Variants in PDE4D observed in about 807,000 individuals in gnomAD.
PDE4D encodes the protein 3',5'-cyclic-AMP phosphodiesterase 4D.
PDE4D carries 24 observed loss-of-function variants against 87.4 expected under a neutral mutation model. The ratio of observed to expected loss-of-function variants is 0.27; its 90% confidence interval spans 0.20 to 0.39. The LOEUF is 0.39. Ranked by LOEUF, PDE4D falls within the 10% of genes least tolerant of loss-of-function variation. The pLI is 1.00. For synonymous variants in PDE4D, 384 were observed against 383.2 expected (o/e 1.00, Z -0.02); for missense variants, 714 against 1,041.0 (o/e 0.69, Z 4.32).
chr5:59,551,849 C>T (rs1204239484), intron 1 of PDE4D, among the ~76,000 whole-genome samples: 2 of 151,952 alleles, frequency 1.3e-5, no homozygotes, highest in East Asian at 1.9e-4. Context: ...CCAAAAAAAC[C>T]CTTCTAATTT....
At chr5:58,976,608 C>G (rs1743861437) in intron 12 of PDE4D, 136 bp from the exon 13 acceptor site, 1 of 693,546 alleles carries the variant, frequency 1.4e-6, no homozygotes, top group African/African-American at 1.8e-5. Context: ...CTTACTACTC[C>G]TTGGGGGCAG....
chr5:60,247,479 C>G (rs1452535454), intron 1 of PDE4D, among the ~76,000 whole-genome samples: 1 of 151,904 alleles, frequency 6.6e-6, no homozygotes, highest in Non-Finnish European at 1.5e-5. Context: ...AATTATGAAA[C>G]TTTTTCAGTT....
chr5:59,785,229 A>G (rs1765052695), intron 1 of PDE4D, among the ~76,000 whole-genome samples: 1 of 152,260 alleles, frequency 6.6e-6, no homozygotes, highest in African/African-American at 2.4e-5. Flanking sequence ...TAAGAAGAAT[A>G]CAAGCATACC....
chr5:59,821,498 C>A (rs909281137), intron 1 of PDE4D, among the ~76,000 whole-genome samples: 2 of 152,094 alleles, frequency 1.3e-5, no homozygotes, highest in Non-Finnish European at 2.9e-5. Context: ...TGGATTACAT[C>A]TAATTTATTT....
At chr5:60,016,264 T>C (rs1284903958) in intron 2 of PDE4D, among the ~76,000 whole-genome samples, 1 of 152,114 alleles carries the variant, frequency 6.6e-6, no homozygotes, top group Non-Finnish European at 1.5e-5. Context: ...AACTAAAAAG[T>C]GTACACACTT....
intron 1 of PDE4D, among the ~76,000 whole-genome samples, chr5:59,881,496 G>C (rs1395186084): frequency 2.0e-5 from 3 of 151,998 alleles, no homozygotes; most frequent in Non-Finnish European, 4.4e-5. Context: ...GTAAACTGAA[G>C]TGTCTTTTAC....
intron 3 of PDE4D, among the ~76,000 whole-genome samples, chr5:59,945,478 A>G (rs112034578): frequency 0.027 from 4,054 of 152,338 alleles, 89 homozygotes; most frequent in South Asian, 0.055. Context: ...GTAGGATTCA[A>G]TGAAGATCTA....
Position 59,768,195 on chromosome 5 carries a change from A to T in PDE4D, c.455+124973T>A, listed in dbSNP as rs1581007306. On this transcript the variant is annotated intron_variant, in intron 1 of 14. Transcript: ENST00000340635. The stretch of plus-strand genomic sequence containing the variant: ...CCAAAATTAAAGGCGCGAGAGCAGG[A>T]CTCCCTGAAGGGAAACGGCCACCAT... 8.8e-6 allele frequency: 14 copies of T among 1,583,006 alleles called. No individual in the cohort carries two copies. In the East Asian group the frequency reaches 3.1e-4, roughly 35 times the overall value.
chr5:59,856,995 C>G (rs1439027421), intron 1 of PDE4D, among the ~76,000 whole-genome samples: 2 of 152,122 alleles, frequency 1.3e-5, no homozygotes, highest in South Asian at 4.1e-4. Context: ...GATGAACTAA[C>G]TTCAGCATTG....
intron 1 of PDE4D, among the ~76,000 whole-genome samples, chr5:60,510,261 G>C (rs1405885776): frequency 1.3e-5 from 2 of 152,106 alleles, no homozygotes; most frequent in Non-Finnish European, 2.9e-5. Flanking sequence ...AACACAGAAA[G>C]GAAGAACCAC....
intron 2 of PDE4D, among the ~76,000 whole-genome samples, chr5:60,051,955 T>A (rs1770213083): frequency 2.0e-5 from 3 of 152,154 alleles, no homozygotes; most frequent in Admixed American, 2.0e-4. Context: ...AATGGATAAA[T>A]TCCTGGACAC....
intron 1 of PDE4D, among the ~76,000 whole-genome samples, chr5:60,388,002 A>G (rs962140154): frequency 1.3e-5 from 2 of 152,212 alleles, no homozygotes; most frequent in African/African-American, 4.8e-5. Flanking sequence ...AGCAGCTCAC[A>G]GAACTCAGGG....
intron 1 of PDE4D, among the ~76,000 whole-genome samples, chr5:59,789,801 T>C (rs150885496): frequency 7.9e-4 from 120 of 152,304 alleles, no homozygotes; most frequent in African/African-American, 2.8e-3. Context: ...TCAGCGTTCT[T>C]CTAGGAGTAG....
At chr5:59,828,941 C>T (rs547128577) in intron 1 of PDE4D, among the ~76,000 whole-genome samples, 1 of 151,816 alleles carries the variant, frequency 6.6e-6, no homozygotes, top group Non-Finnish European at 1.5e-5. Flanking sequence ...GATGCCTAGG[C>T]TAAGTCTCAA....
chr5:59,564,712 G>A (rs183503131), intron 1 of PDE4D, among the ~76,000 whole-genome samples: 33 of 152,318 alleles, frequency 2.2e-4, no homozygotes, highest in African/African-American at 7.5e-4. Flanking sequence ...CTGAGTGTTA[G>A]TGTATCCAGT....
At chr5:59,755,883 C>G (rs972340093) in intron 1 of PDE4D, among the ~76,000 whole-genome samples, 1 of 150,726 alleles carries the variant, frequency 6.6e-6, no homozygotes, top group African/African-American at 2.4e-5. Context: ...AACTGGTACC[C>G]TACTAATAAC....
chr5:60,418,204 G>C (rs1742782542), intron 1 of PDE4D, among the ~76,000 whole-genome samples: 2 of 152,122 alleles, frequency 1.3e-5, no homozygotes, highest in Admixed American at 1.3e-4. Context: ...AGAAAAGCTA[G>C]AAAGCTCACA....
chr5:58,975,671 C>T lies in PDE4D; in HGVS notation c.1999G>A (p.Val667Met), dbSNP rs371593645. 5.6e-6 allele frequency: 9 copies of T among 1,601,714 alleles called. No individual in the cohort carries two copies. Among genetic ancestry groups the T allele is most frequent in the Middle Eastern group, 1.7e-4 (1 of 5,994 alleles). Residue 667 changes from valine (V) to methionine (M), a missense_variant, in exon 14 of 15, where the codon GTG becomes ATG. By Grantham distance (21) the Val-to-Met change is conservative. Transcript: ENST00000340635. The surrounding 1 kb of genome is among the most constrained non-coding windows in gnomAD (Gnocchi z 4.2). The part of the protein sequence containing the change: ...SPMCDKHNAS[V>M]EKSQVGFIDY... ...TCATGCATTACCTGTGATTTTTCCA[C>T]GGAAGCATTGTGCTTGTCACACATG...
intron 1 of PDE4D, among the ~76,000 whole-genome samples, chr5:59,784,012 T>C (rs907392185): frequency 6.6e-6 from 1 of 152,090 alleles, no homozygotes; most frequent in African/African-American, 2.4e-5. Flanking sequence ...GAGTTGGTAA[T>C]TGGGCCACTG....
Sources: gnomAD v4.1 joint callset for allele counts (sites outside exome capture counted in the v4.1 genomes callset) on GRCh38, gnomAD v4.1.1 for gene constraint, Gnocchi (gnomAD v3.1) non-coding constraint, MANE v1.5 for transcripts, NCBI Gene and HGNC (gene_info 2026-07-23, HGNC 2026-07-21) for gene names.